Variants in ZBTB40 observed in about 807,000 individuals in gnomAD.
The protein encoded by ZBTB40 is zinc finger and BTB domain containing 40, also known as zinc finger and BTB domain-containing protein 40.
A neutral mutation model predicts 117.5 loss-of-function variants in ZBTB40; 60 were observed. The observed-to-expected ratio is 0.51, with a 90% CI of 0.41 to 0.63. ZBTB40 has a LOEUF of 0.63. Among genes scored for constraint, ZBTB40 ranks in the 30% least tolerant of loss-of-function variants. The pLI, the probability that ZBTB40 is intolerant of heterozygous loss-of-function variation, is 0.00. For missense variants in ZBTB40, 1,287 were observed against 1,498.5 expected, an observed-to-expected ratio of 0.86 and a Z score of 2.33; for synonymous variants, 525 against 577.1, an observed-to-expected ratio of 0.91 and a Z score of 1.29.
In ZBTB40 at chr1:22,517,367, G is replaced by T; in HGVS notation, c.2736G>T (p.Val912=). The T allele has an allele frequency of 6.2e-7, 1 of 1,614,224 alleles. No individual in the cohort carries two copies. Among genetic ancestry groups the T allele is most frequent in the Non-Finnish European group, 8.5e-7 (1 of 1,180,038 alleles). ...FAQSIELSRH[V]RTHTGDKPYV... ...AGTCTATTGAGCTGTCCCGCCACGT[G>T]AGGACCCACACCGGGGACAAGCCCT... is the stretch of plus-strand genomic sequence containing the variant. The change falls in exon 13 of 18, where the codon GTG becomes GTT. Residue 912 remains valine, a synonymous_variant. Transcript: ENST00000375647.
intron 1 of ZBTB40, among the ~76,000 whole-genome samples, chr1:22,468,425 T>C (rs1204021662): frequency 1.3e-5 from 2 of 150,926 alleles, no homozygotes; most frequent in Non-Finnish European, 3.0e-5. Context: ...TTGTGAATTA[T>C]CTATATTTTT....
At chr1:22,476,017 T>C (rs2124411027) in intron 1 of ZBTB40, among the ~76,000 whole-genome samples, 1 of 152,324 alleles carries the variant, frequency 6.6e-6, no homozygotes, top group East Asian at 1.9e-4. Flanking sequence ...CAAAGGCTTT[T>C]GTCTTGTTAG....
rs1639807673 is a variant in ZBTB40 at position 22,530,735 on chromosome 1, TG to T, written c.*4340del. The T allele has an allele frequency of 6.6e-6, 1 of 152,378 alleles. No individual in the cohort carries two copies. The highest frequency in any genetic ancestry group is 1.9e-4 in the East Asian group (1 of 5,316). The allele number at this position is 152,378 out of a possible 1,614,324, so 9.4% of individuals were successfully genotyped here. ...CAAATGGACTGTGATGTTATAGACC[TG>T]CTTTCTCTTTGGTTCTGGGCCAGTG... On this transcript the variant is annotated 3_prime_UTR_variant, in exon 18 of 18. Coordinates refer to ENST00000375647, the MANE Select transcript of ZBTB40 (RefSeq NM_014870.4).
intron 1 of ZBTB40, among the ~76,000 whole-genome samples, chr1:22,429,645 A>G (rs941514073): frequency 2.6e-5 from 4 of 152,184 alleles, no homozygotes; most frequent in Non-Finnish European, 4.4e-5. Flanking sequence ...ATTGGAAAGT[A>G]TACTGGGCTG....
chr1:22,500,284 G>A (rs1638891764), intron 3 of ZBTB40, among the ~76,000 whole-genome samples: 1 of 152,182 alleles, frequency 6.6e-6, no homozygotes, highest in Non-Finnish European at 1.5e-5. Flanking sequence ...GAAGAGTCAA[G>A]ATGATGAGTT....
At chr1:22,437,482 A>G in intron 1 of ZBTB40, among the ~76,000 whole-genome samples, 1 of 149,454 alleles carries the variant, frequency 6.7e-6, no homozygotes, top group African/African-American at 2.5e-5. Flanking sequence ...GTGCAGTGGC[A>G]CAATCTCAGC....
At chr1:22,436,589 A>G (rs1640674053) in intron 1 of ZBTB40, among the ~76,000 whole-genome samples, 1 of 152,206 alleles carries the variant, frequency 6.6e-6, no homozygotes. Context: ...GAAACACACA[A>G]ATTCATACAT....
intron 5 of ZBTB40, among the ~76,000 whole-genome samples, chr1:22,505,646 CA>C (rs367562252): frequency 9.9e-5 from 15 of 152,016 alleles, no homozygotes; most frequent in African/African-American, 3.6e-4. Context: ...GAAAAAAGAC[CA>C]AAAAAATTAA....
At chr1:22,511,056 A>G in intron 9 of ZBTB40, 123 bp from the exon 10 acceptor site, 1 of 1,280,288 alleles carries the variant, frequency 7.8e-7, no homozygotes. Context: ...CGATGTATAA[A>G]CTGCTTATAA....
intron 1 of ZBTB40, among the ~76,000 whole-genome samples, chr1:22,461,861 G>A (rs960396723): frequency 6.6e-6 from 1 of 152,042 alleles, no homozygotes; most frequent in Non-Finnish European, 1.5e-5. Context: ...AAGGTCATTC[G>A]GCTGAGCTCA....
At chr1:22,448,475 T>C (rs1640813678), upstream of ZBTB40, among the ~76,000 whole-genome samples, 1 of 152,216 alleles carries the variant, frequency 6.6e-6, no homozygotes, top group African/African-American at 2.4e-5. Flanking sequence ...TCTGTAATCC[T>C]TGAATTCTTT....
In ZBTB40 at chr1:22,512,039, A is replaced by G. The variant is rs1366716727; in HGVS notation, c.2366A>G (p.His789Arg). The part of the protein sequence containing the change: ...KELDKHQLEA[H>R]GAGGEPDAPK... ...CTGGACAAACATCAGCTGGAGGCCC[A>G]TGGTGCAGGTGGAGAGCCCGATGCC... Residue 789 changes from histidine to arginine, a missense_variant, in exon 11 of 18, where the codon CAT (histidine) becomes CGT (arginine). Around this residue, in one of 2 missense-constraint regions of ZBTB40, gnomAD observed 870 missense variants for 934.4 expected, o/e 0.93. Coordinates refer to ENST00000375647, the MANE Select transcript of ZBTB40 (RefSeq NM_014870.4). 2.5e-6 allele frequency: 4 copies of G among 1,614,192 alleles called. No homozygotes were observed. The highest frequency in any genetic ancestry group is 1.7e-5 in the Admixed American group (1 of 60,034).
chr1:22,522,941 G>A (rs867385747), intron 16 of ZBTB40, among the ~76,000 whole-genome samples: 46 of 81,828 alleles, frequency 5.6e-4, no homozygotes, highest in Admixed American at 3.0e-3. Context: ...TAAATAAGAT[G>A]TACCTTTTTT....
intron 6 of ZBTB40, among the ~76,000 whole-genome samples, chr1:22,507,036 G>A (rs1639092668): frequency 6.6e-6 from 1 of 152,194 alleles, no homozygotes; most frequent in African/African-American, 2.4e-5. Context: ...TTTGAAGGCT[G>A]TGTAGTTTTC....
At chr1:22,434,899 C>T (rs1018714685) in intron 1 of ZBTB40, among the ~76,000 whole-genome samples, 3 of 151,988 alleles carry the variant, frequency 2.0e-5, no homozygotes, top group Non-Finnish European at 4.4e-5. Flanking sequence ...TCTCCAGTTT[C>T]AGAAAAAAAC....
intron 1 of ZBTB40, among the ~76,000 whole-genome samples, chr1:22,437,424 CTTT>C (rs755956667): frequency 7.1e-6 from 1 of 141,312 alleles, no homozygotes; most frequent in Non-Finnish European, 1.6e-5. Context: ...AACTTATCAT[CTTT>C]TTTTTTTTTT....
In ZBTB40 at chr1:22,530,048, A is replaced by T. The variant is rs1378385852; in HGVS notation, c.*3652A>T. 6.6e-6 allele frequency: 1 copy of T among 151,596 alleles called. No homozygotes were observed. The highest frequency in any genetic ancestry group is 2.4e-5 in the African/African-American group (1 of 41,180). The allele number at this position is 151,596 out of a possible 1,614,324, so 9.4% of individuals were successfully genotyped here. On this transcript the variant is annotated 3_prime_UTR_variant, in exon 18 of 18. Transcript: ENST00000375647. ...AATGGGGTGGCGGGTGTGTGTTTAA[A>T]CCTCACGTGCCTGGAAGCTGCACAT...
intron 1 of ZBTB40, chr1:22,452,579 C>A (rs892929722): frequency 6.6e-6 from 1 of 152,240 alleles, no homozygotes; most frequent in Non-Finnish European, 1.5e-5. Context: ...GAGGGCAGAG[C>A]TGAGTAGTTG....
At chr1:22,485,415 T>C (rs1276154434) in intron 1 of ZBTB40, among the ~76,000 whole-genome samples, 3 of 152,210 alleles carry the variant, frequency 2.0e-5, no homozygotes, top group Non-Finnish European at 2.9e-5. Flanking sequence ...TTAGGTTATA[T>C]TTGTGGACAT....
Sources: gnomAD v4.1 joint callset for allele counts (sites outside exome capture counted in the v4.1 genomes callset) on GRCh38, gnomAD v4.1.1 for gene constraint, gnomAD v4.1.1 regional missense constraint, MANE v1.5 for transcripts, NCBI Gene and HGNC (gene_info 2026-07-23, HGNC 2026-07-21) for gene names.